The following RPS6KC1 variants were observed in gnomAD, a reference collection of about 807,000 sequenced individuals.
RPS6KC1 encodes the protein ribosomal protein S6 kinase C1.
RPS6KC1 carries 54 observed loss-of-function variants against 103.8 expected under a neutral mutation model. The ratio of observed to expected loss-of-function variants is 0.52; its 90% confidence interval spans 0.42 to 0.65. RPS6KC1 has a LOEUF of 0.65. Among genes scored for constraint, RPS6KC1 ranks in the 30% least tolerant of loss-of-function variants. RPS6KC1 has a pLI of 0.00. For synonymous variants in RPS6KC1, 439 were observed against 438.7 expected (o/e 1.00, Z -0.01); for missense variants, 1,151 against 1,253.8 (o/e 0.92, Z 1.24).
the RPS6KC1 span, among the ~76,000 whole-genome samples, chr1:213,463,226 G>A: frequency 6.6e-6 from 1 of 152,150 alleles, no homozygotes; most frequent in African/African-American, 2.4e-5. Flanking sequence ...TTGGAGTGCT[G>A]CTTGTGAGCC....
chr1:213,189,474 A>G (rs2148454273), intron 8 of RPS6KC1, among the ~76,000 whole-genome samples: 1 of 149,522 alleles, frequency 6.7e-6, no homozygotes, highest in Non-Finnish European at 1.5e-5. Context: ...AAAAAAGTGT[A>G]CGTTGACATA....
At chr1:213,447,170 C>T in the RPS6KC1 span, among the ~76,000 whole-genome samples, 1 of 151,896 alleles carries the variant, frequency 6.6e-6, no homozygotes, top group Non-Finnish European at 1.5e-5. Flanking sequence ...TCAGCTCAAG[C>T]GATCCTCCTA....
intron 14 of RPS6KC1, among the ~76,000 whole-genome samples, chr1:213,265,186 A>T (rs143968690): frequency 6.6e-6 from 1 of 152,328 alleles, no homozygotes; most frequent in Non-Finnish European, 1.5e-5. Flanking sequence ...TTTCTTAAGC[A>T]GTAGAATCTT....
the RPS6KC1 span, among the ~76,000 whole-genome samples, chr1:213,589,855 G>T: frequency 1.3e-5 from 2 of 151,936 alleles, no homozygotes; most frequent in African/African-American, 2.4e-5. Flanking sequence ...CAGGCAATGG[G>T]CTGAAAGATG....
intron 5 of RPS6KC1, among the ~76,000 whole-genome samples, chr1:213,121,161 T>TAG (rs1249145087): frequency 3.3e-5 from 5 of 152,208 alleles, no homozygotes; most frequent in Admixed American, 6.5e-5. Flanking sequence ...CTCGAACTCT[T>TAG]AGACGCAAGT....
intron 3 of RPS6KC1, among the ~76,000 whole-genome samples, chr1:213,089,686 T>C (rs1402270446): frequency 6.6e-6 from 1 of 152,156 alleles, no homozygotes; most frequent in African/African-American, 2.4e-5. Flanking sequence ...GGTCTCGAAC[T>C]CCTGACCTCA....
chr1:213,162,084 T>A (rs534818917), intron 6 of RPS6KC1, among the ~76,000 whole-genome samples: 1 of 152,342 alleles, frequency 6.6e-6, no homozygotes, highest in South Asian at 2.1e-4. Context: ...AGGAAAAATT[T>A]TAGTTCCTTA....
At chr1:213,292,210 C>T in the RPS6KC1 span, among the ~76,000 whole-genome samples, 2 of 151,838 alleles carry the variant, frequency 1.3e-5, no homozygotes, top group African/African-American at 2.4e-5. Flanking sequence ...TGTAACTAAC[C>T]TGCACATTGT....
intron 14 of RPS6KC1, among the ~76,000 whole-genome samples, chr1:213,264,302 G>A (rs910092974): frequency 6.6e-6 from 1 of 151,980 alleles, no homozygotes; most frequent in Non-Finnish European, 1.5e-5. Context: ...AGATTAAGAG[G>A]TAATGAAGAG....
the RPS6KC1 span, among the ~76,000 whole-genome samples, chr1:213,417,551 G>A: frequency 2.2e-3 from 328 of 152,270 alleles, 1 homozygote; most frequent in Non-Finnish European, 3.7e-3. Context: ...AGCCAGTGGG[G>A]GCTCGGGGTG....
At chr1:213,540,429 C>T in the RPS6KC1 span, among the ~76,000 whole-genome samples, 1 of 152,106 alleles carries the variant, frequency 6.6e-6, no homozygotes, top group African/African-American at 2.4e-5. Flanking sequence ...CTGCAACCTC[C>T]ACCTCCTGGG....
At chr1:213,431,764 G>A in the RPS6KC1 span, among the ~76,000 whole-genome samples, 4,318 of 151,924 alleles carry the variant, frequency 0.028, 85 homozygotes, top group East Asian at 0.052. Context: ...ATAGTGTTAT[G>A]AACATTCTTG....
the RPS6KC1 span, among the ~76,000 whole-genome samples, chr1:213,712,108 G>A: frequency 2.0e-5 from 3 of 152,186 alleles, no homozygotes; most frequent in South Asian, 4.1e-4. Context: ...CTGAAACTGC[G>A]CCCACAGCCA....
chr1:213,221,949 A>G (rs1426522273), intron 8 of RPS6KC1, among the ~76,000 whole-genome samples: 1 of 152,206 alleles, frequency 6.6e-6, no homozygotes, highest in Admixed American at 6.5e-5. Context: ...CTACCTTTGA[A>G]GGTATTTCTG....
chr1:213,237,927 C>T (rs1242841746), intron 10 of RPS6KC1, among the ~76,000 whole-genome samples: 2 of 151,534 alleles, frequency 1.3e-5, no homozygotes, highest in Admixed American at 1.3e-4. Context: ...ACGTACGGCC[C>T]CCAAAATGAC....
At chr1:213,503,495 G>C in the RPS6KC1 span, among the ~76,000 whole-genome samples, 1 of 152,198 alleles carries the variant, frequency 6.6e-6, no homozygotes, top group Admixed American at 6.5e-5. Flanking sequence ...AGTCACTGCT[G>C]TCTCTATGGT....
At chr1:213,492,569 G>A in the RPS6KC1 span, 4 of 152,168 alleles carry the variant, frequency 2.6e-5, no homozygotes, top group South Asian at 2.1e-4. Context: ...CCCTTTCTAC[G>A]AAGGAGGTAA....
At chr1:213,116,523 CT>C (rs1177957095) in intron 4 of RPS6KC1, among the ~76,000 whole-genome samples, 1 of 127,544 alleles carries the variant, frequency 7.8e-6, no homozygotes, top group Non-Finnish European at 1.6e-5. Flanking sequence ...CAGTCTGTGT[CT>C]TTTAATTGGA....
At chr1:213,564,879 AGTC>A in the RPS6KC1 span, among the ~76,000 whole-genome samples, 7 of 152,340 alleles carry the variant, frequency 4.6e-5, no homozygotes, top group Non-Finnish European at 8.8e-5. Context: ...ATATAGCTTT[AGTC>A]TCCATACTGG....
Sources: allele counts gnomAD v4.1 joint callset (sites outside exome capture counted in the v4.1 genomes callset), GRCh38; gene constraint gnomAD v4.1.1; transcripts MANE v1.5; gene names NCBI Gene and HGNC (gene_info 2026-07-23, HGNC 2026-07-21).